The following ADGRB3 variants were observed in gnomAD, a reference collection of about 807,000 sequenced individuals.
ADGRB3 encodes the protein brain-specific angiogenesis inhibitor 3.
In ADGRB3, 37 loss-of-function variants were observed where a neutral mutation model predicts 193.4. The ratio of observed to expected loss-of-function variants is 0.19; its 90% CI spans 0.15 to 0.25. ADGRB3 has a LOEUF of 0.25. Among genes scored for constraint, ADGRB3 ranks in the 10% least tolerant of loss-of-function variants. The pLI, the probability that ADGRB3 is intolerant of heterozygous loss-of-function variation, is 1.00. For synonymous variants in ADGRB3, 690 were observed against 644.2 expected, an observed-to-expected ratio of 1.07 and a Z score of -1.08; for missense variants, 1,637 against 1,852.9, an observed-to-expected ratio of 0.88 and a Z score of 2.14.
intron 13 of ADGRB3, among the ~76,000 whole-genome samples, chr6:69,025,688 AT>A (rs1244818351): frequency 3.3e-5 from 5 of 152,164 alleles, no homozygotes; most frequent in African/African-American, 1.2e-4. Context: ...AGGAAAAAAA[AT>A]ACAACAAAAA....
chr6:69,182,141 G>A (rs1206777191), intron 17 of ADGRB3, among the ~76,000 whole-genome samples: 1 of 152,162 alleles, frequency 6.6e-6, no homozygotes, highest in Non-Finnish European at 1.5e-5. Flanking sequence ...GCACCCATGA[G>A]ACAGGAGAGG....
intron 17 of ADGRB3, among the ~76,000 whole-genome samples, chr6:69,139,052 T>C (rs954285591): frequency 1.3e-5 from 2 of 152,248 alleles, no homozygotes; most frequent in African/African-American, 2.4e-5. Flanking sequence ...ATAATCTCTA[T>C]GTTGAGTGTC....
At position 69,360,969 on chromosome 6, in the gene ADGRB3, T is replaced by A. The variant is rs768304021; in HGVS notation, c.3696T>A (p.Pro1232=). 1.2e-6 allele frequency: 2 copies of A among 1,612,740 alleles called. No homozygotes were observed. Among genetic ancestry groups the A allele is most frequent in the African/African-American group, 2.7e-5 (2 of 74,938 alleles). ...NDDEEEKGTN[P]EGLSYSTLPG... ...ATGAAGAAGAAAAGGGAACAAACCC[T>A]GAAGGGCTAAGCTATTCAACATTGC... The change falls in exon 29 of 32, where the codon CCT becomes CCA. Residue 1232 remains proline (P), a synonymous_variant. Transcript: ENST00000370598.
At chr6:69,206,324 G>C (rs1471491751) in intron 17 of ADGRB3, among the ~76,000 whole-genome samples, 9 of 151,884 alleles carry the variant, frequency 5.9e-5, no homozygotes, top group Non-Finnish European at 1.3e-4. Context: ...TGCCCACCCA[G>C]ATTAAGAGTG....
chr6:69,216,004 T>G (rs193022436), intron 17 of ADGRB3, among the ~76,000 whole-genome samples: 1 of 152,300 alleles, frequency 6.6e-6, no homozygotes, highest in East Asian at 1.9e-4. Context: ...CGTCTTCCAT[T>G]GGGATAGGAG....
chr6:68,695,836 T>G (rs1765148375), intron 3 of ADGRB3, among the ~76,000 whole-genome samples: 1 of 151,896 alleles, frequency 6.6e-6, no homozygotes, highest in Non-Finnish European at 1.5e-5. Context: ...CTCGGTGTCA[T>G]TTTTCAGTGC....
intron 29 of ADGRB3, among the ~76,000 whole-genome samples, chr6:69,368,405 G>C (rs184289556): frequency 3.1e-4 from 47 of 152,204 alleles, no homozygotes; most frequent in African/African-American, 1.1e-3. Flanking sequence ...AGATAGAACA[G>C]ATGGCACATG....
chr6:69,132,236 C>T (rs1774030726), intron 17 of ADGRB3, among the ~76,000 whole-genome samples: 1 of 152,170 alleles, frequency 6.6e-6, no homozygotes, highest in Non-Finnish European at 1.5e-5. Flanking sequence ...AATTTACACT[C>T]CCATCAACAG....
chr6:69,015,330 A>G lies in ADGRB3; in HGVS notation c.1998+1224A>G, dbSNP rs772300684. Reference sequence around the variant, plus strand: ...ATGGTGGCAGAACTTCTTGTCAATGAAAAATCCTGAATTCATAATCCATCT... The same window carrying G: ...ATGGTGGCAGAACTTCTTGTCAATGGAAAATCCTGAATTCATAATCCATCT... On this transcript the variant is annotated intron_variant, in intron 12 of 31. Coordinates refer to ENST00000370598, the MANE Select transcript of ADGRB3 (RefSeq NM_001704.3). Among the ~76,000 whole-genome samples the G allele has an allele frequency of 3.0e-4, 46 of 152,158 alleles. 1 individual carries two copies. The highest frequency in any genetic ancestry group is 6.2e-4 in the South Asian group (3 of 4,830).
intron 3 of ADGRB3, among the ~76,000 whole-genome samples, chr6:68,707,398 G>A (rs1322121528): frequency 6.6e-6 from 1 of 152,088 alleles, no homozygotes; most frequent in Non-Finnish European, 1.5e-5. Context: ...TTCTAGTGAG[G>A]TAAAACCATT....
intron 26 of ADGRB3, among the ~76,000 whole-genome samples, chr6:69,353,493 A>G (rs1261132880): frequency 1.3e-5 from 2 of 152,234 alleles, no homozygotes; most frequent in Non-Finnish European, 2.9e-5. Flanking sequence ...TCCCAAATCA[A>G]TTTCAGTCAA....
Position 68,862,131 on chromosome 6 carries a change from A to ACC in ADGRB3, c.758-68418_758-68417dup, listed in dbSNP as rs34902902. Among the ~76,000 whole-genome samples, 123 of 141,376 alleles carry ACC rather than the reference A, an allele frequency of 8.7e-4. 1 individual carries two copies. Among genetic ancestry groups the ACC allele is most frequent in the African/African-American group, 2.7e-3 (106 of 38,700 alleles). The allele number at this position is 141,376 out of a possible 152,430, so 92.7% of individuals were successfully genotyped here. A position where few individuals can be genotyped will look rare whatever the true frequency, so the allele number is the denominator to read the frequency against. The stretch of plus-strand genomic sequence containing the variant: ...TCACTATGTTTAAAGAGGAGGAGGG[A>ACC]CCCCCCCCCCCACCCCAATTCAGCA... On this transcript the variant is annotated intron_variant, in intron 3 of 31. Transcript: ENST00000370598.
chr6:68,839,698 G>T (rs1022717730), intron 3 of ADGRB3, among the ~76,000 whole-genome samples: 3 of 152,074 alleles, frequency 2.0e-5, no homozygotes, highest in African/African-American at 7.2e-5. Flanking sequence ...ACCACCAAAT[G>T]TAACACCTAT....
At position 69,374,418 on chromosome 6, in the gene ADGRB3, G is replaced by A. The variant is rs77292970; in HGVS notation, c.4275+1977G>A. On this transcript the variant is annotated intron_variant, in intron 30 of 31. Coordinates refer to ENST00000370598, the MANE Select transcript of ADGRB3 (RefSeq NM_001704.3). ...TCAAGCTCCCTGACACTCCTGCTCC[G>A]CCTGCAAGCTTTATCATATAATGGC... Among the ~76,000 whole-genome samples the A allele has an allele frequency of 5.8e-3, 886 of 152,058 alleles. 9 individuals carry two copies. Among genetic ancestry groups the A allele is most frequent in the African/African-American group, 0.02 (815 of 41,506 alleles).
At chr6:69,374,768 G>C (rs537324067) in intron 30 of ADGRB3, among the ~76,000 whole-genome samples, 1 of 152,146 alleles carries the variant, frequency 6.6e-6, no homozygotes, top group Admixed American at 6.5e-5. Flanking sequence ...CTAGTACCTA[G>C]TAAGCATTCA....
chr6:69,309,481 G>A lies in ADGRB3; in HGVS notation c.2815-15391G>A, dbSNP rs547551878. On this transcript the variant is annotated intron_variant, in intron 20 of 31. Transcript: ENST00000370598. Reference sequence around the variant, plus strand: ...GGAATATTTCATGCATTGAGAGGCTGTAATTGAGAACTGAATGTGAATCAT... The same window carrying A: ...GGAATATTTCATGCATTGAGAGGCTATAATTGAGAACTGAATGTGAATCAT... Among the ~76,000 whole-genome samples the A allele has an allele frequency of 9.2e-5, 14 of 151,824 alleles. No homozygotes were observed. The East Asian group carries it at 1.4e-3, about 15-fold the overall frequency.
chr6:68,867,267 A>G (rs894668700), intron 3 of ADGRB3, among the ~76,000 whole-genome samples: 1 of 152,168 alleles, frequency 6.6e-6, no homozygotes, highest in East Asian at 1.9e-4. Context: ...AGCTTCAGCC[A>G]TGGCTAAAAG....
intron 13 of ADGRB3, among the ~76,000 whole-genome samples, chr6:69,023,635 G>A (rs1193660952): frequency 2.6e-5 from 4 of 152,054 alleles, no homozygotes; most frequent in African/African-American, 9.7e-5. Context: ...AAGATAATAG[G>A]GAGTCACTGA....
At chr6:68,857,038 G>A (rs1765007803) in intron 3 of ADGRB3, among the ~76,000 whole-genome samples, 1 of 152,152 alleles carries the variant, frequency 6.6e-6, no homozygotes, top group Non-Finnish European at 1.5e-5. Context: ...ATGGGGTGTT[G>A]AGCCTGCAAG....
Sources: gnomAD v4.1 joint callset for allele counts (sites outside exome capture counted in the v4.1 genomes callset) on GRCh38, gnomAD v4.1.1 for gene constraint, MANE v1.5 for transcripts, NCBI Gene and HGNC (gene_info 2026-07-23, HGNC 2026-07-21) for gene names.